Variants in TAF3 observed in about 807,000 individuals in gnomAD.
TAF3 encodes transcription initiation factor TFIID subunit 3.
A neutral mutation model predicts 80.6 loss-of-function variants in TAF3; 7 were observed. The ratio of observed to expected loss-of-function variants is 0.09; its 90% CI spans 0.05 to 0.16. The LOEUF is 0.16. TAF3 is among the 10% of genes least tolerant of loss of function. The pLI is 1.00. For missense variants in TAF3, 921 were observed against 1,140.2 expected, an observed-to-expected ratio of 0.81 and a Z score of 2.77; for synonymous variants, 444 against 446.1, an observed-to-expected ratio of 1.00 and a Z score of 0.06.
At chr10:7,913,983 CA>C (rs1564362324) in intron 2 of TAF3, among the ~76,000 whole-genome samples, 1 of 152,220 alleles carries the variant, frequency 6.6e-6, no homozygotes, top group Admixed American at 6.5e-5. Flanking sequence ...AAAAAGAGAG[CA>C]GGGGGGAACC....
intron 4 of TAF3, among the ~76,000 whole-genome samples, chr10:8,007,673 AAGCTGCCACCCG>A (rs1832010230): frequency 6.8e-6 from 1 of 147,254 alleles, no homozygotes; most frequent in South Asian, 2.2e-4. Flanking sequence ...TTTGGTTCAA[AAGCTGCCACCCG>A]TTTACTCAAA....
At chr10:7,862,248 C>T (rs1178200966) in intron 2 of TAF3, among the ~76,000 whole-genome samples, 1 of 152,108 alleles carries the variant, frequency 6.6e-6, no homozygotes, top group African/African-American at 2.4e-5. Context: ...TTGCCTTTCT[C>T]TTCAGTATGG....
chr10:7,910,647 C>G (rs1422187534), intron 2 of TAF3, among the ~76,000 whole-genome samples: 1 of 152,186 alleles, frequency 6.6e-6, no homozygotes, highest in Non-Finnish European at 1.5e-5. Flanking sequence ...TCCCAAAGTG[C>G]TGGGATTACA....
chr10:7,836,400 G>A (rs1836852878), intron 2 of TAF3, among the ~76,000 whole-genome samples: 1 of 151,424 alleles, frequency 6.6e-6, no homozygotes, highest in Non-Finnish European at 1.5e-5. Context: ...TCAGCCTCCC[G>A]AGTACCTGGG....
intron 2 of TAF3, among the ~76,000 whole-genome samples, chr10:7,849,183 T>C (rs1386777891): frequency 1.3e-5 from 2 of 152,208 alleles, no homozygotes; most frequent in Admixed American, 6.5e-5. Context: ...ATTATCTTTT[T>C]TTTTCTTATA....
chr10:7,960,561 C>T (rs936690935), intron 2 of TAF3, among the ~76,000 whole-genome samples: 2 of 152,050 alleles, frequency 1.3e-5, no homozygotes, highest in African/African-American at 2.4e-5. Flanking sequence ...ATTTCAGGCA[C>T]GGGGAATCGC....
chr10:8,009,985 C>T lies in TAF3; in HGVS notation c.2568+655C>T, dbSNP rs1832039009. Among the ~76,000 whole-genome samples the T allele has an allele frequency of 6.6e-6, 1 of 151,974 alleles. No homozygotes were observed. On this transcript the variant is annotated intron_variant, in intron 5 of 6. Transcript: ENST00000344293. This position sits in a 1 kb window ranked among gnomAD's most constrained non-coding sequence, Gnocchi z 4.1. The stretch of plus-strand genomic sequence containing the variant: ...GGAGTGCAGTGGTACGATCTCGGCT[C>T]ACTGCAGCCCCTGCCTCCCAGGCTC...
At chr10:7,906,784 T>C (rs1837611880) in intron 2 of TAF3, among the ~76,000 whole-genome samples, 1 of 151,056 alleles carries the variant, frequency 6.6e-6, no homozygotes, top group Non-Finnish European at 1.5e-5. Flanking sequence ...GGAGGATCAG[T>C]TGAGCCCAGG....
At chr10:7,874,696 AGTT>A (rs146426060) in intron 2 of TAF3, among the ~76,000 whole-genome samples, 30,045 of 151,352 alleles carry the variant, frequency 0.2, 3,035 homozygotes, top group Middle Eastern at 0.26. Flanking sequence ...GTTTTGTCTT[AGTT>A]TTTTTTTTCA....
intron 2 of TAF3, among the ~76,000 whole-genome samples, chr10:7,904,435 TTGTC>T (rs1477877209): frequency 6.6e-6 from 1 of 152,216 alleles, no homozygotes; most frequent in East Asian, 1.9e-4. Context: ...GAGAAAGACG[TTGTC>T]TGTCCAGTTC....
chr10:7,999,827 G>T (rs1831926374), intron 4 of TAF3, among the ~76,000 whole-genome samples: 1 of 152,084 alleles, frequency 6.6e-6, no homozygotes, highest in African/African-American at 2.4e-5. Flanking sequence ...CTTTGACCCT[G>T]TCCTTGTTGG....
At chr10:8,001,494 G>A (rs889514454) in intron 4 of TAF3, among the ~76,000 whole-genome samples, 7 of 152,072 alleles carry the variant, frequency 4.6e-5, no homozygotes, top group Non-Finnish European at 8.8e-5. Flanking sequence ...ATAAGAAGGC[G>A]TAATGCTTTA....
intron 2 of TAF3, among the ~76,000 whole-genome samples, chr10:7,919,282 GC>G (rs778973778): frequency 1.4e-4 from 21 of 152,174 alleles, no homozygotes; most frequent in Non-Finnish European, 3.1e-4. Flanking sequence ...TTTTCTGCAG[GC>G]CCCATCTGGG....
Position 7,833,990 on chromosome 10 carries a change from G to A in TAF3, c.409+9430G>A, listed in dbSNP as rs569295330. 1.0e-4 allele frequency: 24 copies of A among 234,534 alleles called. No individual in the cohort carries two copies. The East Asian group carries it at 2.2e-3, about 22-fold the overall frequency. 14.5% of individuals were successfully genotyped at this position (234,534 alleles called of 1,614,324 possible). ...TGCTGTCCTCCGGCACAGGACAACA[G>A]CCAGACTGTTCTTTCTATAGAGTTG... On this transcript the variant is annotated intron_variant, in intron 2 of 6. Coordinates refer to ENST00000344293, the MANE Select transcript of TAF3 (RefSeq NM_031923.4).
chr10:7,988,315 C>T (rs1831797372), intron 4 of TAF3, among the ~76,000 whole-genome samples: 1 of 151,808 alleles, frequency 6.6e-6, no homozygotes, highest in Non-Finnish European at 1.5e-5. Context: ...CGGGGCTGGG[C>T]ACAGTGGCTC....
intron 2 of TAF3, among the ~76,000 whole-genome samples, chr10:7,836,324 C>G (rs1472632983): frequency 6.8e-6 from 1 of 146,284 alleles, no homozygotes; most frequent in Non-Finnish European, 1.5e-5. Context: ...GAGTTTCGCT[C>G]TTGTTGCCCA....
At chr10:7,848,207 G>A (rs1836991623) in intron 2 of TAF3, among the ~76,000 whole-genome samples, 1 of 152,126 alleles carries the variant, frequency 6.6e-6, no homozygotes, top group South Asian at 2.1e-4. Context: ...ATATACTGAG[G>A]GTTAAAGTAA....
chr10:7,971,998 T>C (rs915495453), intron 3 of TAF3, among the ~76,000 whole-genome samples: 5 of 152,250 alleles, frequency 3.3e-5, no homozygotes, highest in Non-Finnish European at 1.5e-5. Flanking sequence ...CTTTGGTGAA[T>C]TGGGAAGCTT....
chr10:7,936,996 T>C (rs155415), intron 2 of TAF3, among the ~76,000 whole-genome samples: 147,895 of 152,224 alleles, frequency 0.97, 72,012 homozygotes, highest in East Asian at 1. Context: ...CAGATTCCTC[T>C]GTATCTTTTT....
Sources: gnomAD v4.1 joint callset for allele counts (sites outside exome capture counted in the v4.1 genomes callset) on GRCh38, gnomAD v4.1.1 for gene constraint, Gnocchi (gnomAD v3.1) non-coding constraint, MANE v1.5 for transcripts, NCBI Gene and HGNC (gene_info 2026-07-23, HGNC 2026-07-21) for gene names.